DUSP22: variants seen among roughly 807,000 people sequenced by gnomAD.
DUSP22 encodes the protein dual specificity protein phosphatase 22.
DUSP22 carries 24 observed loss-of-function variants against 24.5 expected under a neutral mutation model. The ratio of observed to expected loss-of-function variants is 0.98; its 90% confidence interval spans 0.71 to 1.38. DUSP22 has a LOEUF of 1.38. Ranked by LOEUF, DUSP22 falls within the 40% of genes most tolerant of loss-of-function variation. DUSP22 has a pLI of 0.00. For missense variants in DUSP22, 330 were observed against 269.2 expected, an observed-to-expected ratio of 1.23 and a Z score of -1.58; for synonymous variants, 160 against 106.4, an observed-to-expected ratio of 1.50 and a Z score of -3.10.
At chr6:334,368 ATTCT>A (rs1413948108) in intron 3 of DUSP22, among the ~76,000 whole-genome samples, 10 of 152,292 alleles carry the variant, frequency 6.6e-5, no homozygotes, top group African/African-American at 1.2e-4. Context: ...CTTTTGAAAC[ATTCT>A]TTCAGTCCCT....
intron 3 of DUSP22, among the ~76,000 whole-genome samples, chr6:328,617 G>A (rs1235860903): frequency 2.0e-5 from 3 of 152,300 alleles, no homozygotes; most frequent in Non-Finnish European, 1.5e-5. Flanking sequence ...AGAGTTCTTG[G>A]AAGTTATTAT....
intron 5 of DUSP22, among the ~76,000 whole-genome samples, chr6:347,808 A>G (rs549201767): frequency 6.6e-6 from 1 of 152,422 alleles, no homozygotes; most frequent in South Asian, 2.1e-4. Context: ...GAAATGGGAA[A>G]GACCTGAGGA....
At chr6:322,229 T>A (rs1274600613) in intron 3 of DUSP22, among the ~76,000 whole-genome samples, 1 of 152,306 alleles carries the variant, frequency 6.6e-6, no homozygotes, top group African/African-American at 2.4e-5. Context: ...ACAGCATGAC[T>A]AGGGAATGAT....
intron 1 of DUSP22, among the ~76,000 whole-genome samples, chr6:296,837 G>T (rs750749365): frequency 3.9e-5 from 6 of 152,300 alleles, no homozygotes; most frequent in Non-Finnish European, 8.8e-5. Context: ...CCTCTGGTTG[G>T]CATCTTGCCC....
intron 3 of DUSP22, among the ~76,000 whole-genome samples, chr6:321,969 T>A (rs1488525814): frequency 1.3e-5 from 2 of 152,300 alleles, no homozygotes; most frequent in African/African-American, 4.8e-5. Context: ...CATGTGATAT[T>A]CATCACTGGA....
At chr6:344,177 G>A (rs555658747) in intron 4 of DUSP22, among the ~76,000 whole-genome samples, 18 of 151,048 alleles carry the variant, frequency 1.2e-4, no homozygotes, top group Middle Eastern at 3.4e-3. Context: ...GGCACTCCCT[G>A]AACGGTTAGG....
At chr6:328,521 C>T (rs934600236) in intron 3 of DUSP22, among the ~76,000 whole-genome samples, 1 of 152,302 alleles carries the variant, frequency 6.6e-6, no homozygotes, top group Admixed American at 6.5e-5. Flanking sequence ...TTCTCATTTG[C>T]ATGTTGTCTC....
intron 3 of DUSP22, among the ~76,000 whole-genome samples, chr6:328,623 A>G (rs994127886): frequency 3.9e-5 from 6 of 152,298 alleles, no homozygotes; most frequent in African/African-American, 1.4e-4. Flanking sequence ...CTTGGAAGTT[A>G]TTATTTGTAG....
In DUSP22 at chr6:350,908, T is replaced by G; in HGVS notation, c.*1957T>G. 1 of 1,612,864 alleles carries G rather than the reference T, an allele frequency of 6.2e-7. No individual in the cohort carries two copies. Among genetic ancestry groups the G allele is most frequent in the Non-Finnish European group, 8.5e-7 (1 of 1,179,092 alleles). ...CTGAAATATTGCAAACCCACAGAGT[T>G]TAGGCTGGTGCTGCCAAAAAGAAAA... On this transcript the variant is annotated 3_prime_UTR_variant, in exon 7 of 7. Coordinates refer to ENST00000419235, the MANE Select transcript of DUSP22 (RefSeq NM_001286555.3).
At chr6:306,313 A>G (rs1360732714) in intron 2 of DUSP22, among the ~76,000 whole-genome samples, 1 of 152,428 alleles carries the variant, frequency 6.6e-6, no homozygotes, top group Admixed American at 6.5e-5. Context: ...TTCTGACAAC[A>G]GTATGTGAGA....
Position 350,898 on chromosome 6 carries a change from C to T in DUSP22, c.*1947C>T. On this transcript the variant is annotated 3_prime_UTR_variant, in exon 7 of 7. Coordinates refer to ENST00000419235, the MANE Select transcript of DUSP22 (RefSeq NM_001286555.3). ...CCTGAAGTTTCTGAAATATTGCAAA[C>T]CCACAGAGTTTAGGCTGGTGCTGCC... 2.5e-6 allele frequency: 4 copies of T among 1,613,832 alleles called. No individual in the cohort carries two copies. The highest frequency in any genetic ancestry group is 3.4e-6 in the Non-Finnish European group (4 of 1,179,646).
At chr6:292,859 G>C (rs1011596908) in intron 1 of DUSP22, among the ~76,000 whole-genome samples, 1 of 152,284 alleles carries the variant, frequency 6.6e-6, no homozygotes, top group African/African-American at 2.4e-5. Context: ...GTTCTGCCGA[G>C]AGGTCAGCTG....
chr6:338,380 G>A (rs1399440678), intron 4 of DUSP22, among the ~76,000 whole-genome samples: 1 of 152,290 alleles, frequency 6.6e-6, no homozygotes, highest in Non-Finnish European at 1.5e-5. Context: ...TTAATGGTGA[G>A]CATATTTTCA....
chr6:317,347 C>G (rs1385922151), intron 3 of DUSP22, among the ~76,000 whole-genome samples: 5 of 152,290 alleles, frequency 3.3e-5, no homozygotes, highest in African/African-American at 1.2e-4. Context: ...TTCTCTTGAA[C>G]AAAAGTTTTG....
intron 3 of DUSP22, among the ~76,000 whole-genome samples, chr6:326,825 A>G (rs1379406382): frequency 2.6e-5 from 4 of 152,308 alleles, no homozygotes; most frequent in African/African-American, 4.8e-5. Context: ...ACAGCTGCAG[A>G]TTAAGAATGC....
rs146158344 is a variant in DUSP22 at position 298,870 on chromosome 6, C to T, written c.22-5758C>T. On this transcript the variant is annotated intron_variant, in intron 1 of 6. Coordinates refer to ENST00000419235, the MANE Select transcript of DUSP22 (RefSeq NM_001286555.3). ...GACAAGACAGATGCACCCTCTGCTG[C>T]AAGATCAGTCCGAAAGTAAGGAAAT... Among the ~76,000 whole-genome samples the T allele has an allele frequency of 1.8e-3, 273 of 151,528 alleles. 1 individual carries two copies. Among genetic ancestry groups the T allele is most frequent in the Middle Eastern group, 6.8e-3 (2 of 294 alleles).
chr6:349,164 C>G lies in DUSP22; in HGVS notation c.*213C>G, dbSNP rs1385848501. 3 of 1,433,934 alleles carry G rather than the reference C, an allele frequency of 2.1e-6. No individual in the cohort carries two copies. Among genetic ancestry groups the G allele is most frequent in the Non-Finnish European group, 2.7e-6 (3 of 1,099,812 alleles). The allele number at this position is 1,433,934 out of a possible 1,614,324, so 88.8% of individuals were successfully genotyped here. A position where few individuals can be genotyped will look rare whatever the true frequency, so the allele number is the denominator to read the frequency against. On this transcript the variant is annotated 3_prime_UTR_variant, in exon 7 of 7. Transcript: ENST00000419235. ...CCTGGCTGCACCTGAGCTTGCTGCCCCTGGGGATGTTGCCCAGTGGCTGTG... is the reference window on the plus strand; with the variant it reads ...CCTGGCTGCACCTGAGCTTGCTGCCGCTGGGGATGTTGCCCAGTGGCTGTG...
intron 2 of DUSP22, among the ~76,000 whole-genome samples, chr6:311,619 G>T (rs1009889108): frequency 4.3e-4 from 65 of 152,388 alleles, no homozygotes; most frequent in Non-Finnish European, 9.0e-4. Flanking sequence ...GGCGGAGCTT[G>T]CAGTGAGCCG....
At chr6:311,798 T>G (rs910946244) in intron 2 of DUSP22, 82 bp from the exon 3 acceptor site, 12,784 of 728,628 alleles carry the variant, frequency 0.018, no homozygotes, top group Non-Finnish European at 0.022. Flanking sequence ...ATTTTGTGGG[T>G]TTTTTTTTTT....
Sources: gnomAD v4.1 joint callset for allele counts (sites outside exome capture counted in the v4.1 genomes callset) on GRCh38, gnomAD v4.1.1 for gene constraint, MANE v1.5 for transcripts, NCBI Gene and HGNC (gene_info 2026-07-23, HGNC 2026-07-21) for gene names.